The following TAF3 variants were observed in gnomAD, a reference collection of about 807,000 sequenced individuals.
TAF3 encodes the protein TATA-box binding protein associated factor 3, also known as transcription initiation factor TFIID subunit 3.
A neutral mutation model predicts 80.6 loss-of-function variants in TAF3; 7 were observed. The ratio of observed to expected loss-of-function variants is 0.09; its 90% CI spans 0.05 to 0.16. TAF3 has a LOEUF of 0.16. TAF3 is among the 10% of genes least tolerant of loss of function. The pLI is 1.00. For missense variants in TAF3, 921 were observed against 1,140.2 expected, an observed-to-expected ratio of 0.81 and a Z score of 2.77; for synonymous variants, 444 against 446.1, an observed-to-expected ratio of 1.00 and a Z score of 0.06.
chr10:7,914,965 G>A (rs1405854168), intron 2 of TAF3, among the ~76,000 whole-genome samples: 1 of 114,500 alleles, frequency 8.7e-6, no homozygotes, highest in Non-Finnish European at 1.7e-5. Context: ...TTTTGAGACA[G>A]AGTCTTGCTC....
chr10:7,935,883 C>T (rs894380216), intron 2 of TAF3, among the ~76,000 whole-genome samples: 2 of 152,082 alleles, frequency 1.3e-5, no homozygotes, highest in African/African-American at 2.4e-5. Flanking sequence ...TGTTTATAGA[C>T]CATGACGAGG....
At chr10:7,941,878 G>T (rs2131206709) in intron 2 of TAF3, among the ~76,000 whole-genome samples, 1 of 152,184 alleles carries the variant, frequency 6.6e-6, no homozygotes, top group East Asian at 1.9e-4. Context: ...TGGCTCTGGG[G>T]TCCTAGTTTC....
At chr10:7,860,291 A>G (rs75436442) in intron 2 of TAF3, among the ~76,000 whole-genome samples, 2 of 143,604 alleles carry the variant, frequency 1.4e-5, no homozygotes, top group African/African-American at 2.7e-5. Flanking sequence ...AAAAAAGAAG[A>G]AAAAAAAAAA....
intron 4 of TAF3, among the ~76,000 whole-genome samples, chr10:7,987,264 C>T (rs1330186749): frequency 6.6e-6 from 1 of 152,026 alleles, no homozygotes; most frequent in East Asian, 1.9e-4. Flanking sequence ...TACAGTGAGT[C>T]GTGATCATGC....
chr10:7,852,217 T>C (rs1188699007), intron 2 of TAF3, among the ~76,000 whole-genome samples: 2 of 152,206 alleles, frequency 1.3e-5, no homozygotes, highest in African/African-American at 4.8e-5. Context: ...TCAAAAGTGC[T>C]GGGATTACAG....
At position 7,964,828 on chromosome 10, in the gene TAF3, G is replaced by A. The variant is rs749491126; in HGVS notation, c.1318G>A (p.Ala440Thr). Residue 440 changes from alanine (A) to threonine (T), a missense_variant, in exon 3 of 7, where the codon GCG (alanine) becomes ACG (threonine). Around this residue, in one of 6 missense-constraint regions of TAF3, gnomAD observed 743 missense variants for 821.0 expected, o/e 0.90. Transcript: ENST00000344293. This position sits in a 1 kb window ranked among gnomAD's most constrained non-coding sequence, Gnocchi z 4.1. ...TACTACTCCCAAAGCTTCCACTTCC[G>A]CGAACAATTTCACAAAGTCAGGATC... ...ECTTPKASTS[A>T]NNFTKSGSTP... 8.1e-6 allele frequency: 13 copies of A among 1,613,962 alleles called. No individual in the cohort carries two copies. The highest frequency in any genetic ancestry group is 2.2e-5 in the South Asian group (2 of 91,076).
chr10:7,863,568 C>T (rs551325279), intron 2 of TAF3, among the ~76,000 whole-genome samples: 2 of 141,628 alleles, frequency 1.4e-5, no homozygotes, highest in African/African-American at 5.3e-5. Flanking sequence ...TGAGATCGCC[C>T]CACTGCACTC....
At chr10:7,877,392 A>T (rs1837321346) in intron 2 of TAF3, among the ~76,000 whole-genome samples, 1 of 152,196 alleles carries the variant, frequency 6.6e-6, no homozygotes, top group Non-Finnish European at 1.5e-5. Flanking sequence ...CAAACTGTGT[A>T]AAATAAGTAG....
At chr10:7,845,980 G>GAC (rs1836966874) in intron 2 of TAF3, among the ~76,000 whole-genome samples, 2 of 132,456 alleles carry the variant, frequency 1.5e-5, no homozygotes, top group South Asian at 5.1e-4. Context: ...TTTTTTTTGA[G>GAC]GCAATGTCTC....
intron 2 of TAF3, among the ~76,000 whole-genome samples, chr10:7,890,119 A>G (rs1837444741): frequency 6.6e-6 from 1 of 151,858 alleles, no homozygotes; most frequent in Non-Finnish European, 1.5e-5. Context: ...GCCCAGTTTC[A>G]CTCTCAGTCA....
intron 2 of TAF3, among the ~76,000 whole-genome samples, chr10:7,864,079 C>T (rs1837184884): frequency 1.3e-5 from 2 of 152,090 alleles, no homozygotes; most frequent in South Asian, 2.1e-4. Context: ...CCTGCCTTGA[C>T]ACATTATTAT....
At chr10:7,867,208 G>A (rs1044300264) in intron 2 of TAF3, among the ~76,000 whole-genome samples, 7 of 151,966 alleles carry the variant, frequency 4.6e-5, no homozygotes, top group Non-Finnish European at 1.0e-4. Context: ...GCAGTGAGCC[G>A]AGATCATGTC....
intron 4 of TAF3, among the ~76,000 whole-genome samples, chr10:8,008,800 A>G (rs1478849699): frequency 6.6e-6 from 1 of 152,150 alleles, no homozygotes; most frequent in Non-Finnish European, 1.5e-5. Context: ...AGGAACAGGC[A>G]ATTGAAGTCA....
chr10:7,918,584 C>T (rs1837733896), intron 2 of TAF3, among the ~76,000 whole-genome samples: 3 of 152,092 alleles, frequency 2.0e-5, no homozygotes, highest in South Asian at 4.2e-4. Flanking sequence ...CTGTGCTTGT[C>T]CTCCTATTGC....
chr10:7,986,308 C>T (rs1159209292), intron 4 of TAF3, among the ~76,000 whole-genome samples: 2 of 152,178 alleles, frequency 1.3e-5, no homozygotes, highest in Admixed American at 1.3e-4. Context: ...CTGGAAAGTT[C>T]TGCCTGGGTG....
chr10:7,925,711 A>G (rs1025315145), intron 2 of TAF3, among the ~76,000 whole-genome samples: 5 of 151,036 alleles, frequency 3.3e-5, no homozygotes, highest in Non-Finnish European at 7.4e-5. Context: ...AGGCAGGAGA[A>G]TCATTTGAAC....
At chr10:8,008,721 C>A (rs547468739) in intron 4 of TAF3, among the ~76,000 whole-genome samples, 3 of 152,290 alleles carry the variant, frequency 2.0e-5, no homozygotes, top group South Asian at 2.1e-4. Context: ...TCAGGCCCCC[C>A]CGAGGACTCA....
chr10:7,862,577 C>T (rs1446368548), intron 2 of TAF3, among the ~76,000 whole-genome samples: 2 of 152,136 alleles, frequency 1.3e-5, no homozygotes, highest in African/African-American at 2.4e-5. Flanking sequence ...TAAGTTTTGA[C>T]ATATGTATAT....
At chr10:7,927,677 C>A (rs372845704) in intron 2 of TAF3, among the ~76,000 whole-genome samples, 1 of 152,118 alleles carries the variant, frequency 6.6e-6, no homozygotes, top group African/African-American at 2.4e-5. Context: ...TCACTTATAA[C>A]CCCTTCCTCC....
Sources: allele counts gnomAD v4.1 joint callset (sites outside exome capture counted in the v4.1 genomes callset), GRCh38; gene constraint gnomAD v4.1.1; regional missense constraint gnomAD v4.1.1; non-coding constraint Gnocchi (gnomAD v3.1); transcripts MANE v1.5; gene names NCBI Gene and HGNC (gene_info 2026-07-23, HGNC 2026-07-21).